MORC1: variants seen among roughly 807,000 people sequenced by gnomAD.
MORC1 encodes the protein MORC family CW-type zinc finger 1.
A neutral mutation model predicts 134.9 loss-of-function variants in MORC1; 59 were observed. The observed-to-expected ratio is 0.44, with a 90% confidence interval of 0.35 to 0.54. MORC1 has a LOEUF of 0.54. Among genes scored for constraint, MORC1 ranks in the 20% least tolerant of loss-of-function variants. MORC1 has a pLI of 0.00. For synonymous variants in MORC1, 395 were observed against 391.7 expected (o/e 1.01, Z -0.10); for missense variants, 947 against 1,134.5 (o/e 0.83, Z 2.37).
intron 22 of MORC1, among the ~76,000 whole-genome samples, 197 bp downstream of exon 22, chr3:108,986,683 T>C (rs906956112): frequency 5.9e-5 from 9 of 152,160 alleles, no homozygotes; most frequent in Non-Finnish European, 1.0e-4. Context: ...AAAGTGTCTC[T>C]CTGCCCCGTC....
intron 27 of MORC1, among the ~76,000 whole-genome samples, chr3:108,962,938 C>T (rs772845545): frequency 6.6e-6 from 1 of 152,014 alleles, no homozygotes; most frequent in African/African-American, 2.4e-5. Flanking sequence ...TAAAATATTT[C>T]GCTGTCTGAA....
chr3:108,982,375 A>T (rs966098361), intron 23 of MORC1, among the ~76,000 whole-genome samples: 1 of 152,154 alleles, frequency 6.6e-6, no homozygotes, highest in Admixed American at 6.5e-5. Flanking sequence ...TAGAAATACC[A>T]TTTGACCCAG....
In MORC1 at chr3:108,979,792, G is replaced by T. The variant is rs1037265635; in HGVS notation, c.2325-125C>A. On this transcript the variant is annotated intron_variant, in intron 23 of 27. Coordinates refer to ENST00000232603, the MANE Select transcript of MORC1 (RefSeq NM_014429.4). ...AGAACAAGAACATGCGTGTAATGCCGAAAACTGCCACCACTGTAGTTACAT... is the reference window on the plus strand; with the variant it reads ...AGAACAAGAACATGCGTGTAATGCCTAAAACTGCCACCACTGTAGTTACAT... 5 of 968,598 alleles carry T rather than the reference G, an allele frequency of 5.2e-6. No individual in the cohort carries two copies. The South Asian group carries it at 6.2e-5, about 12-fold the overall frequency. The allele number at this position is 968,598 out of a possible 1,614,324, so 60.0% of individuals were successfully genotyped here.
At chr3:109,018,533 C>A (rs1168291243) in intron 17 of MORC1, among the ~76,000 whole-genome samples, 1 of 151,998 alleles carries the variant, frequency 6.6e-6, no homozygotes. Context: ...AGGGCCCTTC[C>A]CAAAGAGCAA....
chr3:109,024,561 T>C (rs1348628544), intron 17 of MORC1, among the ~76,000 whole-genome samples: 1 of 152,218 alleles, frequency 6.6e-6, no homozygotes, highest in East Asian at 1.9e-4. Flanking sequence ...AGATGCCTGC[T>C]ACCATTAAAG....
At chr3:109,019,692 T>C (rs1462074371) in intron 17 of MORC1, among the ~76,000 whole-genome samples, 1 of 152,220 alleles carries the variant, frequency 6.6e-6, no homozygotes, top group Non-Finnish European at 1.5e-5. Flanking sequence ...ATAGGAATCA[T>C]AACAATCATA....
chr3:109,072,151 T>G (rs1486382851), intron 8 of MORC1, among the ~76,000 whole-genome samples: 1 of 152,170 alleles, frequency 6.6e-6, no homozygotes, highest in Non-Finnish European at 1.5e-5. Context: ...GTCAAACTTT[T>G]TAATGTGATG....
intron 8 of MORC1, among the ~76,000 whole-genome samples, chr3:109,084,391 A>T (rs2107740226): frequency 6.6e-6 from 1 of 152,286 alleles, no homozygotes; most frequent in Non-Finnish European, 1.5e-5. Flanking sequence ...TCAAGAAAGC[A>T]ATCCCATTTA....
At chr3:108,981,475 T>G (rs1316355584) in intron 23 of MORC1, among the ~76,000 whole-genome samples, 1 of 152,196 alleles carries the variant, frequency 6.6e-6, no homozygotes, top group Non-Finnish European at 1.5e-5. Context: ...GTTATAACCT[T>G]CTTTATGCTG....
chr3:109,113,980 G>A (rs1161369594), intron 2 of MORC1, among the ~76,000 whole-genome samples: 1 of 152,186 alleles, frequency 6.6e-6, no homozygotes, highest in Non-Finnish European at 1.5e-5. Context: ...AAGTGCTTAT[G>A]TATGTCTGAT....
chr3:109,053,049 A>G (rs1949866488), intron 14 of MORC1, among the ~76,000 whole-genome samples: 1 of 152,066 alleles, frequency 6.6e-6, no homozygotes, highest in African/African-American at 2.4e-5. Flanking sequence ...AGAAATGCAA[A>G]TCAAAACCAC....
rs146650674 is a variant in MORC1, at chr3:109,041,881, T to C, written c.1331-6413A>G. On this transcript the variant is annotated intron_variant, in intron 14 of 27. Transcript: ENST00000232603. The stretch of plus-strand genomic sequence containing the variant: ...ATTGTTTGAACCCAGGAGGTAGAGG[T>C]TGCAGTGAGCCGAGATTGTGCCACT... 5.1e-3 allele frequency among the ~76,000 whole-genome samples: 776 copies of C among 151,828 alleles called. 19 individuals are homozygous for C. The highest frequency in any genetic ancestry group is 0.018 in the African/African-American group (745 of 41,366).
intron 24 of MORC1, 136 bp downstream of exon 24, chr3:108,979,379 G>T: frequency 1.0e-6 from 1 of 954,736 alleles, no homozygotes; most frequent in Non-Finnish European, 1.6e-6. Flanking sequence ...AATCAGCATA[G>T]TTAGGAGACA....
chr3:109,109,503 C>G (rs542366722), intron 3 of MORC1, among the ~76,000 whole-genome samples: 12 of 152,186 alleles, frequency 7.9e-5, no homozygotes, highest in Non-Finnish European at 1.3e-4. Flanking sequence ...ATTCATATTT[C>G]AAGCTCTAGC....
At chr3:108,999,189 T>C (rs1948325555) in intron 21 of MORC1, among the ~76,000 whole-genome samples, 1 of 152,268 alleles carries the variant, frequency 6.6e-6, no homozygotes, top group Non-Finnish European at 1.5e-5. Flanking sequence ...TGGTGTTTAC[T>C]TTTTTCATTT....
intron 8 of MORC1, among the ~76,000 whole-genome samples, chr3:109,083,178 C>A (rs1950554364): frequency 6.6e-6 from 1 of 151,900 alleles, no homozygotes; most frequent in African/African-American, 2.4e-5. Flanking sequence ...CTGCATCCAG[C>A]AAAGCTATCC....
At chr3:109,094,446 G>A (rs1950790016) in intron 7 of MORC1, among the ~76,000 whole-genome samples, 3 of 152,224 alleles carry the variant, frequency 2.0e-5, no homozygotes, top group African/African-American at 2.4e-5. Flanking sequence ...GTTGGTGGAG[G>A]TGGAAAGAAT....
At chr3:108,988,664 C>T (rs1387168038) in intron 21 of MORC1, among the ~76,000 whole-genome samples, 1 of 152,046 alleles carries the variant, frequency 6.6e-6, no homozygotes, top group East Asian at 1.9e-4. Context: ...TTCCTATAAG[C>T]ACTTTGTTAT....
At chr3:109,106,049 C>T (rs1951027206) in intron 3 of MORC1, among the ~76,000 whole-genome samples, 1 of 152,224 alleles carries the variant, frequency 6.6e-6, no homozygotes, top group African/African-American at 2.4e-5. Context: ...GAGTTCTCTG[C>T]ATAAGGCAGT....
Sources: gnomAD v4.1 joint callset for allele counts (sites outside exome capture counted in the v4.1 genomes callset) on GRCh38, gnomAD v4.1.1 for gene constraint, MANE v1.5 for transcripts, NCBI Gene and HGNC (gene_info 2026-07-23, HGNC 2026-07-21) for gene names.